Variants in HIPK3 observed in about 807,000 individuals in gnomAD.
HIPK3 encodes the protein homeodomain interacting protein kinase 3, also known as homeodomain-interacting protein kinase 3.
HIPK3 carries 47 observed loss-of-function variants against 124.2 expected under a neutral mutation model. The ratio of observed to expected loss-of-function variants is 0.38; its 90% CI spans 0.30 to 0.48. HIPK3 has a LOEUF of 0.48. Ranked by LOEUF, HIPK3 falls within the 20% of genes least tolerant of loss-of-function variation. HIPK3 has a pLI of 0.98. For synonymous variants in HIPK3, 482 were observed against 515.2 expected, an observed-to-expected ratio of 0.94 and a Z score of 0.87; for missense variants, 1,286 against 1,454.3, an observed-to-expected ratio of 0.88 and a Z score of 1.88.
intron 3 of HIPK3, among the ~76,000 whole-genome samples, chr11:33,334,712 T>C (rs1853087598): frequency 6.6e-6 from 1 of 152,180 alleles, no homozygotes; most frequent in Admixed American, 6.5e-5. Flanking sequence ...AAATTTGTAT[T>C]GGACCTCATG....
chr11:33,336,084 G>A (rs1853138732), intron 3 of HIPK3, among the ~76,000 whole-genome samples: 1 of 152,128 alleles, frequency 6.6e-6, no homozygotes, highest in Admixed American at 6.5e-5. Flanking sequence ...AAAGCGCAGT[G>A]GAGAAAAATA....
chr11:33,317,674 G>A (rs1852546477), intron 2 of HIPK3, among the ~76,000 whole-genome samples: 1 of 152,186 alleles, frequency 6.6e-6, no homozygotes, highest in Non-Finnish European at 1.5e-5. Context: ...GATAATTGCT[G>A]ATACAACTTA....
At chr11:33,304,705 T>G (rs982048701) in intron 2 of HIPK3, among the ~76,000 whole-genome samples, 1 of 152,230 alleles carries the variant, frequency 6.6e-6, no homozygotes, top group Non-Finnish European at 1.5e-5. Context: ...TAACCAGTCC[T>G]CAATGATACA....
At chr11:33,304,740 A>T (rs1852106428) in intron 2 of HIPK3, among the ~76,000 whole-genome samples, 1 of 152,192 alleles carries the variant, frequency 6.6e-6, no homozygotes, top group Non-Finnish European at 1.5e-5. Flanking sequence ...ATTATGTCAG[A>T]GAGAACCTTC....
intron 2 of HIPK3, among the ~76,000 whole-genome samples, chr11:33,314,767 C>T (rs1590392276): frequency 6.6e-6 from 1 of 152,106 alleles, no homozygotes; most frequent in East Asian, 1.9e-4. Flanking sequence ...TCATTTATTG[C>T]AGTTAAATAA....
At chr11:33,285,132 A>T (rs984833161) in intron 1 of HIPK3, among the ~76,000 whole-genome samples, 1 of 152,212 alleles carries the variant, frequency 6.6e-6, no homozygotes, top group Admixed American at 6.5e-5. Context: ...TTATAAAATC[A>T]TTATACATTT....
At chr11:33,352,928 A>G (rs1853708562) in intron 16 of HIPK3, among the ~76,000 whole-genome samples, 164 bp from the exon 17 acceptor site, 2 of 152,132 alleles carry the variant, frequency 1.3e-5, no homozygotes, top group African/African-American at 4.8e-5. Context: ...TATATATGGA[A>G]TTGATATTTT....
intron 2 of HIPK3, among the ~76,000 whole-genome samples, chr11:33,306,029 C>T (rs550962734): frequency 4.6e-5 from 7 of 152,122 alleles, no homozygotes; most frequent in South Asian, 2.1e-4. Context: ...CTACTGTACC[C>T]GGCTGGAAGC....
intron 3 of HIPK3, among the ~76,000 whole-genome samples, chr11:33,335,964 G>A (rs956960679): frequency 6.6e-6 from 1 of 152,104 alleles, no homozygotes; most frequent in African/African-American, 2.4e-5. Flanking sequence ...GCACTTTCAT[G>A]GGCTCTGGGG....
Position 33,355,068 on chromosome 11 carries a change from C to T in HIPK3, c.*1500C>T, listed in dbSNP as rs1936904517. The T allele has an allele frequency of 6.6e-6, 1 of 152,050 alleles. No individual in the cohort carries two copies. Among genetic ancestry groups the T allele is most frequent in the Admixed American group, 6.6e-5 (1 of 15,260 alleles). 9.4% of individuals were successfully genotyped at this position (152,050 alleles called of 1,614,324 possible). A position where few individuals can be genotyped will look rare whatever the true frequency, so the allele number is the denominator to read the frequency against. ...GCAAGTAATAAATTGTATCATTTAT[C>T]TTGAATGTATCATAGATAAGCTGCT... On this transcript the variant is annotated 3_prime_UTR_variant, in exon 17 of 17. Transcript: ENST00000303296.
intron 2 of HIPK3, among the ~76,000 whole-genome samples, chr11:33,295,277 G>GC (rs34093915): frequency 0.12 from 12,624 of 106,482 alleles, 885 homozygotes; most frequent in East Asian, 0.26. Flanking sequence ...AGCCACCACC[G>GC]CCCCCCCCCC....
chr11:33,344,215 C>T (rs1285651491), intron 8 of HIPK3, among the ~76,000 whole-genome samples: 1 of 152,166 alleles, frequency 6.6e-6, no homozygotes, highest in African/African-American at 2.4e-5. Context: ...CTTCAGCATG[C>T]AAGATTGCTG....
intron 8 of HIPK3, among the ~76,000 whole-genome samples, chr11:33,346,670 C>A (rs1298406494): frequency 6.6e-6 from 1 of 152,072 alleles, no homozygotes; most frequent in Non-Finnish European, 1.5e-5. Flanking sequence ...GGTGACTGAA[C>A]TATTTAAAAA....
Position 33,286,774 on chromosome 11 carries a change from AG to A in HIPK3, c.362del (p.Gly121AlafsTer7), listed in dbSNP as rs755712474. 6.2e-7 allele frequency: 1 copy of A among 1,614,122 alleles called. No homozygotes were observed. Among genetic ancestry groups the A allele is most frequent in the Admixed American group, 1.7e-5 (1 of 60,022 alleles). The stretch of plus-strand genomic sequence containing the variant: ...GGCGAAACAGATTGCATTTCCTAGA[AG>A]GCCCCCAGCGATGTGGATTGAAGCG... ...AWRNRLHFLE[G>X]PQRCGLKRKS... On this transcript the variant is annotated frameshift_variant, in exon 2 of 17. Transcript: ENST00000303296. LOFTEE classifies it high-confidence loss of function.
chr11:33,257,732 A>G lies in HIPK3; in HGVS notation c.-160A>G, dbSNP rs997448500. ...GCCGTTTCCTCTCAGCCGCCAGGAC[A>G]AGATGGCAGCGGCCGCGGAGAGGGG... is the stretch of plus-strand genomic sequence containing the variant. On this transcript the variant is annotated 5_prime_UTR_variant, in exon 1 of 17. Coordinates refer to ENST00000303296, the MANE Select transcript of HIPK3 (RefSeq NM_005734.5). The G allele has an allele frequency of 2.1e-5, 21 of 988,962 alleles. No homozygotes were observed. In the South Asian group the frequency reaches 9.1e-4, roughly 43 times the overall value. 61.3% of individuals were successfully genotyped at this position (988,962 alleles called of 1,614,324 possible). A position where few individuals can be genotyped will look rare whatever the true frequency, so the allele number is the denominator to read the frequency against.
intron 8 of HIPK3, among the ~76,000 whole-genome samples, chr11:33,345,556 A>C (rs1349856321): frequency 6.6e-6 from 1 of 152,108 alleles, no homozygotes; most frequent in Non-Finnish European, 1.5e-5. Context: ...TTTACAGACA[A>C]TGAGATTTTT....
chr11:33,294,159 GA>G (rs34635630), intron 2 of HIPK3, among the ~76,000 whole-genome samples: 94,284 of 144,426 alleles, frequency 0.65, 29,879 homozygotes, highest in Middle Eastern at 0.71. Context: ...ATCTGAAAAA[GA>G]AAAAAAAAAA....
upstream of HIPK3, among the ~76,000 whole-genome samples, chr11:33,256,924 T>C (rs1410466189): frequency 6.6e-6 from 1 of 152,200 alleles, no homozygotes; most frequent in Non-Finnish European, 1.5e-5. Context: ...GCATTTCCCC[T>C]TTACTTATTT....
At chr11:33,337,269 A>G in intron 4 of HIPK3, 75 bp downstream of exon 4, 1 of 743,996 alleles carries the variant, frequency 1.3e-6, no homozygotes, top group Non-Finnish European at 2.0e-6. Flanking sequence ...AATACCTTCC[A>G]TGTCTATTTA....
Sources: allele counts gnomAD v4.1 joint callset (sites outside exome capture counted in the v4.1 genomes callset), GRCh38; gene constraint gnomAD v4.1.1; transcripts MANE v1.5; gene names NCBI Gene and HGNC (gene_info 2026-07-23, HGNC 2026-07-21).